Variants in SNRPA observed in about 807,000 individuals in gnomAD.
SNRPA encodes the protein U1 small nuclear ribonucleoprotein A.
Under a neutral mutation model 24.5 loss-of-function variants are expected in SNRPA, and 10 were observed. That is an observed-to-expected ratio of 0.41 (90% CI 0.25 to 0.69). The LOEUF is 0.69. Among genes scored for constraint, SNRPA ranks in the 30% least tolerant of loss-of-function variants. SNRPA has a pLI of 0.33. For missense variants in SNRPA, 283 were observed against 394.7 expected, an observed-to-expected ratio of 0.72 and a Z score of 2.40; for synonymous variants, 165 against 148.4, an observed-to-expected ratio of 1.11 and a Z score of -0.81.
intron 1 of SNRPA, among the ~76,000 whole-genome samples, chr19:40,756,130 G>A (rs945628391): frequency 7.9e-5 from 12 of 152,042 alleles, no homozygotes; most frequent in Admixed American, 6.6e-5. Flanking sequence ...TTAGCCGTGC[G>A]TCGTGCTGCG....
rs145776242 is a variant in SNRPA, at chr19:40,753,079, G to A, written c.73+1598G>A. Among the ~76,000 whole-genome samples, 13 of 152,298 alleles carry A rather than the reference G, an allele frequency of 8.5e-5. No individual in the cohort carries two copies. In the East Asian group the frequency reaches 2.5e-3, roughly 29 times the overall value. On this transcript the variant is annotated intron_variant, in intron 1 of 5. Coordinates refer to ENST00000243563, the MANE Select transcript of SNRPA (RefSeq NM_004596.5). Reference sequence around the variant, plus strand: ...GTTGAAGAAAGCAAAACCAGCAGCCGGGCACTGGCTCACGCCTGTAATCTC... The same window carrying A: ...GTTGAAGAAAGCAAAACCAGCAGCCAGGCACTGGCTCACGCCTGTAATCTC...
At chr19:40,762,763 G>A (rs1022389088) in intron 3 of SNRPA, 138 bp from the exon 4 acceptor site, 6 of 762,604 alleles carry the variant, frequency 7.9e-6, no homozygotes, top group Non-Finnish European at 1.3e-5. Flanking sequence ...TTGCTCTGTC[G>A]GGCCCTCTTT....
At chr19:40,763,891 C>T (rs1377534034) in intron 5 of SNRPA, among the ~76,000 whole-genome samples, 1 of 152,158 alleles carries the variant, frequency 6.6e-6, no homozygotes, top group Non-Finnish European at 1.5e-5. Flanking sequence ...ATGGCCAGGG[C>T]TTGCCGGCTT....
At chr19:40,764,959 T>TA (rs2082947903) in intron 5 of SNRPA, 49 bp from the exon 6 acceptor site, 1 of 1,475,856 alleles carries the variant, frequency 6.8e-7, no homozygotes, top group Non-Finnish European at 9.0e-7. Flanking sequence ...TTGATGCCGT[T>TA]ACGTTAGGGG....
chr19:40,754,347 G>A (rs916982193), intron 1 of SNRPA, among the ~76,000 whole-genome samples: 2 of 151,472 alleles, frequency 1.3e-5, no homozygotes, highest in South Asian at 2.1e-4. Context: ...TGATCCACCC[G>A]CCTCGGCCTC....
At position 40,763,062 on chromosome 19, in the gene SNRPA, C is replaced by T; in HGVS notation, c.588C>T (p.Pro196=). Residue 196 remains proline, a synonymous_variant, in exon 4 of 6, where the codon CCC becomes CCT. Transcript: ENST00000243563. The part of the protein sequence containing the change: ...PPQQLMPGQM[P]PAQPLSENPP... ...AGCAGCTTATGCCAGGACAGATGCC[C>T]CCTGCCCAGCCTGTGAGTATCTAGT... The T allele has an allele frequency of 6.4e-7, 1 of 1,572,152 alleles. No individual in the cohort carries two copies. The highest frequency in any genetic ancestry group is 8.6e-7 in the Non-Finnish European group (1 of 1,159,436).
chr19:40,760,840 G>T (rs1171306569), intron 3 of SNRPA, among the ~76,000 whole-genome samples: 1 of 152,222 alleles, frequency 6.6e-6, no homozygotes, highest in Non-Finnish European at 1.5e-5. Context: ...TCAGGAGGCT[G>T]AGCTGGGAGG....
intron 1 of SNRPA, among the ~76,000 whole-genome samples, chr19:40,755,555 T>C (rs2082905477): frequency 1.3e-5 from 2 of 152,214 alleles, no homozygotes; most frequent in African/African-American, 2.4e-5. Context: ...TTTGTATCTT[T>C]TGTAGAGACA....
chr19:40,757,748 G>A (rs1336016963), intron 2 of SNRPA, among the ~76,000 whole-genome samples: 1 of 151,770 alleles, frequency 6.6e-6, no homozygotes, highest in East Asian at 2.0e-4. Context: ...TTTGCAGCCA[G>A]CCTGGGCAAC....
In SNRPA at chr19:40,763,051, G is replaced by A. The variant is rs778037728; in HGVS notation, c.577G>A (p.Gly193Arg). Reference sequence around the variant, plus strand: ...CATGCCCCCGCAGCAGCTTATGCCAGGACAGATGCCCCCTGCCCAGCCTGT... The same window carrying A: ...CATGCCCCCGCAGCAGCTTATGCCAAGACAGATGCCCCCTGCCCAGCCTGT... ...GAMPPQQLMP[G>R]QMPPAQPLSE... Residue 193 changes from glycine (G) to arginine (R), a missense_variant, in exon 4 of 6, where the codon GGA becomes AGA. Gly to Arg is a moderately radical substitution (Grantham distance 125). This residue lies in a region of SNRPA where 167 missense variants were observed against 174.3 expected (regional missense o/e 0.96). Transcript: ENST00000243563. The A allele has an allele frequency of 2.5e-6, 4 of 1,589,076 alleles. No individual in the cohort carries two copies. The highest frequency in any genetic ancestry group is 3.4e-6 in the Non-Finnish European group (4 of 1,167,516).
intron 1 of SNRPA, among the ~76,000 whole-genome samples, chr19:40,753,402 T>C (rs1191792547): frequency 8.2e-6 from 1 of 121,408 alleles, no homozygotes; most frequent in Non-Finnish European, 1.8e-5. Flanking sequence ...TTTTTTTTTT[T>C]TTTTTTTTTT....
intron 3 of SNRPA, among the ~76,000 whole-genome samples, chr19:40,761,458 C>CTTTTTCTTTTT (rs1204455823): frequency 1.2e-5 from 1 of 85,860 alleles, no homozygotes; most frequent in African/African-American, 4.3e-5. Context: ...TTTTCTTTTT[C>CTTTTTCTTTTT]TTTTTTTTTT....
rs1042470568 is a variant in SNRPA at position 40,751,208 on chromosome 19, C to T, written c.-201C>T. 15 of 598,622 alleles carry T rather than the reference C, an allele frequency of 2.5e-5. No individual in the cohort carries two copies. The highest frequency in any genetic ancestry group is 1.9e-4 in the African/African-American group (10 of 54,046). 37.1% of individuals were successfully genotyped at this position (598,622 alleles called of 1,614,324 possible). ...TAGTAAATCTCTCGAGAGTTCTCTC[C>T]GCACGCGGGCTGGAGAAGCGGGTCC... is the stretch of plus-strand genomic sequence containing the variant. On this transcript the variant is annotated 5_prime_UTR_variant, in exon 1 of 6. Transcript: ENST00000243563.
Position 40,756,596 on chromosome 19 carries a change from C to CAAAA in SNRPA, c.74-721_74-718dup, listed in dbSNP as rs916818115. On this transcript the variant is annotated intron_variant, in intron 1 of 5. Coordinates refer to ENST00000243563, the MANE Select transcript of SNRPA (RefSeq NM_004596.5). ...GGGTGACAAAGTGAGACCTTGTCAC[C>CAAAA]AAAAAAAAAAAAAAAAAATTGTGGT... 2.7e-3 allele frequency among the ~76,000 whole-genome samples: 205 copies of CAAAA among 76,638 alleles called. 1 individual carries two copies. Among genetic ancestry groups the CAAAA allele is most frequent in the Middle Eastern group, 0.011 (1 of 88 alleles). The allele number at this position is 76,638 out of a possible 152,430, so 50.3% of individuals were successfully genotyped here. A position where few individuals can be genotyped will look rare whatever the true frequency, so the allele number is the denominator to read the frequency against.
chr19:40,764,289 C>T (rs1377093465), intron 5 of SNRPA, among the ~76,000 whole-genome samples: 1 of 152,062 alleles, frequency 6.6e-6, no homozygotes, highest in Non-Finnish European at 1.5e-5. Context: ...AGCATCTCAC[C>T]ATGCTGCACT....
chr19:40,752,089 G>T (rs1374395040), intron 1 of SNRPA, among the ~76,000 whole-genome samples: 1 of 151,322 alleles, frequency 6.6e-6, no homozygotes, highest in Non-Finnish European at 1.5e-5. Flanking sequence ...ATCAATCCCA[G>T]CACTTTGGGA....
intron 3 of SNRPA, 81 bp from the exon 4 acceptor site, chr19:40,762,820 A>G: frequency 4.8e-6 from 7 of 1,448,852 alleles, no homozygotes; most frequent in Non-Finnish European, 6.6e-6. Flanking sequence ...TACATCTCTC[A>G]CCCGCTAGGT....
rs539239856 is a variant in SNRPA, at chr19:40,761,352, C to T, written c.427-1549C>T. Among the ~76,000 whole-genome samples the T allele has an allele frequency of 5.5e-4, 84 of 151,936 alleles. 1 individual carries two copies. Among genetic ancestry groups the T allele is most frequent in the African/African-American group, 2.0e-3 (83 of 41,436 alleles). On this transcript the variant is annotated intron_variant, in intron 3 of 5. Transcript: ENST00000243563. ...GTATCTGCAAGGGGAAAAAATTAGC[C>T]CTACCTCATACTATATGCAAAATAT...
At chr19:40,759,743 T>C in intron 3 of SNRPA, 133 bp downstream of exon 3, 1 of 760,352 alleles carries the variant, frequency 1.3e-6, no homozygotes, top group Non-Finnish European at 2.0e-6. Context: ...TTTATAGAGA[T>C]GTGTTTCTCT....
Sources: gnomAD v4.1 joint callset for allele counts (sites outside exome capture counted in the v4.1 genomes callset) on GRCh38, gnomAD v4.1.1 for gene constraint, gnomAD v4.1.1 regional missense constraint, MANE v1.5 for transcripts, NCBI Gene and HGNC (gene_info 2026-07-23, HGNC 2026-07-21) for gene names.